The following SEPTIN10 variants were observed in gnomAD, a reference collection of about 807,000 sequenced individuals.
The protein encoded by SEPTIN10 is septin-10.
SEPTIN10 carries 66 observed loss-of-function variants against 54.8 expected under a neutral mutation model. The observed-to-expected ratio is 1.21, with a 90% CI of 0.99 to 1.48. The LOEUF (loss-of-function observed/expected upper bound fraction) is 1.48. SEPTIN10 is among the 40% of genes most tolerant of loss of function. The probability of loss-of-function intolerance (pLI) is 0.00; values close to 1 mark genes in which losing one functional copy is unlikely to be tolerated. For synonymous variants in SEPTIN10, 161 were observed against 181.0 expected (o/e 0.89, Z 0.89); for missense variants, 620 against 545.6 (o/e 1.14, Z -1.36).
intron 2 of SEPTIN10, among the ~76,000 whole-genome samples, chr2:109,592,262 C>T (rs371726990): frequency 6.6e-6 from 1 of 151,432 alleles, no homozygotes. Context: ...GCCAGGAGTT[C>T]GAGACCAGCC....
chr2:109,572,609 CTT>C (rs60520770), intron 5 of SEPTIN10, among the ~76,000 whole-genome samples: 30 of 111,208 alleles, frequency 2.7e-4, no homozygotes, highest in African/African-American at 9.8e-4. Context: ...TTTAAAACAA[CTT>C]TTTTTTTTTT....
chr2:109,613,098 A>AG (rs1215300547), intron 1 of SEPTIN10: 1 of 990,540 alleles, frequency 1.0e-6, no homozygotes, highest in East Asian at 6.0e-5. Flanking sequence ...AACGGCGGTG[A>AG]GATCACTCCA....
chr2:109,593,893 C>T (rs879455442), intron 1 of SEPTIN10, among the ~76,000 whole-genome samples: 2 of 152,148 alleles, frequency 1.3e-5, no homozygotes, highest in Non-Finnish European at 2.9e-5. Flanking sequence ...TCATATTACA[C>T]GTCCATATCA....
At chr2:109,559,980 G>A (rs1685269974) in intron 8 of SEPTIN10, among the ~76,000 whole-genome samples, 1 of 147,244 alleles carries the variant, frequency 6.8e-6, no homozygotes, top group Non-Finnish European at 1.5e-5. Flanking sequence ...GAGTGCAGTG[G>A]CATGATCTTG....
chr2:109,574,701 A>T lies in SEPTIN10; in HGVS notation c.480T>A (p.Ile160=). ...FEAYLQEELK[I]KRSLFTYHDS... Reference sequence around the variant, plus strand: ...CATGGTAGGTAAAGAGAGAACGCTTAATCTTCAGTTCTTCTTGGAGATAGG... The same window carrying T: ...CATGGTAGGTAAAGAGAGAACGCTTTATCTTCAGTTCTTCTTGGAGATAGG... The change falls in exon 5 of 11, where the codon ATT becomes ATA. Residue 160 remains isoleucine (I), a synonymous_variant. Transcript: ENST00000397712. 1 of 1,608,034 alleles carries T rather than the reference A, an allele frequency of 6.2e-7. No individual in the cohort carries two copies. Among genetic ancestry groups the T allele is most frequent in the African/African-American group, 1.3e-5 (1 of 74,752 alleles).
chr2:109,545,906 GT>G (rs923153760), intron 10 of SEPTIN10, 143 bp downstream of exon 10: 15 of 1,444,098 alleles, frequency 1.0e-5, no homozygotes, highest in African/African-American at 1.4e-5. Context: ...GAGGGACAAG[GT>G]CTCTCCTCTC....
intron 5 of SEPTIN10, among the ~76,000 whole-genome samples, chr2:109,571,415 A>G (rs1483558728): frequency 6.6e-6 from 1 of 152,216 alleles, no homozygotes; most frequent in Non-Finnish European, 1.5e-5. Flanking sequence ...GCTGTATGGT[A>G]TGGCTCATTG....
intron 8 of SEPTIN10, among the ~76,000 whole-genome samples, chr2:109,562,704 GCA>G (rs1330355691): frequency 3.3e-5 from 5 of 152,126 alleles, no homozygotes; most frequent in African/African-American, 1.2e-4. Flanking sequence ...CCACCTCAGT[GCA>G]CAGAGGCCTC....
chr2:109,612,471 C>G (rs1306856780), intron 1 of SEPTIN10, among the ~76,000 whole-genome samples: 1 of 152,158 alleles, frequency 6.6e-6, no homozygotes, highest in Non-Finnish European at 1.5e-5. Context: ...ATAAAGGGTA[C>G]AGGGTTCTCA....
chr2:109,586,247 T>C (rs1573693383), intron 2 of SEPTIN10, among the ~76,000 whole-genome samples: 1 of 152,244 alleles, frequency 6.6e-6, no homozygotes, highest in African/African-American at 2.4e-5. Context: ...GTTCAGCTCC[T>C]GGTAATGGCA....
chr2:109,559,217 AAGCT>A (rs1162377908), intron 8 of SEPTIN10, among the ~76,000 whole-genome samples: 3 of 152,214 alleles, frequency 2.0e-5, no homozygotes, highest in Non-Finnish European at 4.4e-5. Flanking sequence ...TAAAAAATAA[AAGCT>A]TCCTAATACA....
At chr2:109,583,342 T>C (rs1315450254) in intron 4 of SEPTIN10, among the ~76,000 whole-genome samples, 3 of 152,074 alleles carry the variant, frequency 2.0e-5, no homozygotes, top group Non-Finnish European at 4.4e-5. Flanking sequence ...CATTAAAAAG[T>C]GGCCAAAAGA....
At chr2:109,602,649 T>C (rs1296725179) in intron 1 of SEPTIN10, among the ~76,000 whole-genome samples, 1 of 143,838 alleles carries the variant, frequency 7.0e-6, no homozygotes, top group Non-Finnish European at 1.5e-5. Context: ...CACTCCAGCC[T>C]GGGCAACAAA....
At chr2:109,591,739 A>G (rs544319250) in intron 2 of SEPTIN10, among the ~76,000 whole-genome samples, 31 of 152,138 alleles carry the variant, frequency 2.0e-4, no homozygotes, top group African/African-American at 7.5e-4. Context: ...CTCTAGTAAC[A>G]ATACAAAAAT....
Position 109,544,314 on chromosome 2 carries a change from A to G in SEPTIN10, c.1360T>C (p.Leu454=). Residue 454 remains leucine, a synonymous_variant, in exon 11 of 11, where the codon TTG becomes CTG. Coordinates refer to ENST00000397712, the MANE Select transcript of SEPTIN10 (RefSeq NM_144710.5). ...KDKDRKNSNF[L] The stretch of plus-strand genomic sequence containing the variant: ...TGTGCTCTGGAACTTCTGTTTTACA[A>G]AAAATTGGAGCTGGAAAGAAAAAGA... 1 of 1,591,948 alleles carries G rather than the reference A, an allele frequency of 6.3e-7. No homozygotes were observed. The highest frequency in any genetic ancestry group is 8.5e-7 in the Non-Finnish European group (1 of 1,174,596).
intron 1 of SEPTIN10, among the ~76,000 whole-genome samples, chr2:109,607,621 C>T (rs561803912): frequency 6.6e-6 from 1 of 152,046 alleles, no homozygotes; most frequent in Admixed American, 6.6e-5. Flanking sequence ...AAAATTAAAT[C>T]TGTTATTAAT....
At chr2:109,596,725 A>G (rs1244002074) in intron 1 of SEPTIN10, among the ~76,000 whole-genome samples, 1 of 152,214 alleles carries the variant, frequency 6.6e-6, no homozygotes, top group Non-Finnish European at 1.5e-5. Flanking sequence ...CATATCAAAT[A>G]TCTGCTTTTG....
chr2:109,588,663 G>A (rs1428710683), intron 2 of SEPTIN10, among the ~76,000 whole-genome samples: 2 of 151,814 alleles, frequency 1.3e-5, no homozygotes, highest in African/African-American at 4.8e-5. Flanking sequence ...GCTAATTTTT[G>A]TATTTTTAAT....
intron 9 of SEPTIN10, among the ~76,000 whole-genome samples, chr2:109,546,849 T>C (rs1384058283): frequency 6.6e-6 from 1 of 152,198 alleles, no homozygotes; most frequent in African/African-American, 2.4e-5. Context: ...ATTTACACTA[T>C]AATAGGAAAA....
Sources: allele counts gnomAD v4.1 joint callset (sites outside exome capture counted in the v4.1 genomes callset), GRCh38; gene constraint gnomAD v4.1.1; transcripts MANE v1.5; gene names NCBI Gene and HGNC (gene_info 2026-07-23, HGNC 2026-07-21).